CNTNAP2: variants seen among roughly 807,000 people sequenced by gnomAD.
The protein encoded by CNTNAP2 is contactin-associated protein-like 2.
A neutral mutation model predicts 155.2 loss-of-function variants in CNTNAP2; 98 were observed. The ratio of observed to expected loss-of-function variants is 0.63; its 90% CI spans 0.54 to 0.75. The LOEUF (loss-of-function observed/expected upper bound fraction) is 0.75, where lower values mean the gene tolerates loss of function less well. Among genes scored for constraint, CNTNAP2 ranks in the 30% least tolerant of loss-of-function variants. The pLI, the probability that CNTNAP2 is intolerant of heterozygous loss-of-function variation, is 0.00. For synonymous variants in CNTNAP2, 651 were observed against 631.2 expected (o/e 1.03, Z -0.47); for missense variants, 1,727 against 1,688.1 (o/e 1.02, Z -0.40).
chr7:147,288,752 G>T (rs576862273), intron 8 of CNTNAP2, among the ~76,000 whole-genome samples: 34 of 152,096 alleles, frequency 2.2e-4, no homozygotes, highest in Non-Finnish European at 4.3e-4. Context: ...TCCAATAAAT[G>T]TCACTTTATG....
chr7:147,753,034 T>C (rs1480648874), intron 13 of CNTNAP2, among the ~76,000 whole-genome samples: 2 of 152,226 alleles, frequency 1.3e-5, no homozygotes, highest in Non-Finnish European at 2.9e-5. Context: ...CTGATCCTAT[T>C]TTCTACTCTC....
intron 5 of CNTNAP2, among the ~76,000 whole-genome samples, chr7:147,109,515 G>A (rs1298000187): frequency 6.6e-6 from 1 of 152,112 alleles, no homozygotes; most frequent in Non-Finnish European, 1.5e-5. Flanking sequence ...ACTGAGAGAG[G>A]AAGACTAAAA....
At chr7:146,551,647 A>G (rs966818361) in intron 1 of CNTNAP2, among the ~76,000 whole-genome samples, 3 of 152,136 alleles carry the variant, frequency 2.0e-5, no homozygotes, top group Non-Finnish European at 2.9e-5. Flanking sequence ...AAAAAAATGA[A>G]TGAAAGAAAC....
At chr7:148,066,345 G>A (rs1288873637) in intron 15 of CNTNAP2, among the ~76,000 whole-genome samples, 26 of 152,104 alleles carry the variant, frequency 1.7e-4, no homozygotes, top group Admixed American at 1.5e-3. Flanking sequence ...CAAGGCCAGG[G>A]AAGTTTTCCT....
chr7:147,103,898 A>G (rs1800703303), intron 4 of CNTNAP2, among the ~76,000 whole-genome samples: 1 of 152,078 alleles, frequency 6.6e-6, no homozygotes, highest in Non-Finnish European at 1.5e-5. Context: ...GTGCTCTTCT[A>G]GAGGGTCAAG....
intron 9 of CNTNAP2, among the ~76,000 whole-genome samples, chr7:147,313,816 T>C (rs2116802180): frequency 6.6e-6 from 1 of 152,030 alleles, no homozygotes; most frequent in South Asian, 2.1e-4. Flanking sequence ...ATTGGTAGCT[T>C]GATGGGGATG....
intron 11 of CNTNAP2, among the ~76,000 whole-genome samples, chr7:147,514,305 A>C (rs924117196): frequency 2.0e-5 from 3 of 152,096 alleles, no homozygotes; most frequent in Non-Finnish European, 4.4e-5. Flanking sequence ...AAATCAATAG[A>C]TGTAGATAGA....
In CNTNAP2 at chr7:147,273,919, T is replaced by C. The variant is rs551293413; in HGVS notation, c.1349-26222T>C. On this transcript the variant is annotated intron_variant, in intron 8 of 23. Transcript: ENST00000361727. ...GTAATTATATATTACGTATTTTATA[T>C]ATTTCATATATATGTAATATCTATT... Among the ~76,000 whole-genome samples, 287 of 148,164 alleles carry C rather than the reference T, an allele frequency of 1.9e-3. 1 individual carries two copies. Among genetic ancestry groups the C allele is most frequent in the African/African-American group, 6.5e-3 (264 of 40,868 alleles).
chr7:148,129,741 G>T (rs929158316), intron 16 of CNTNAP2, among the ~76,000 whole-genome samples: 5 of 152,212 alleles, frequency 3.3e-5, no homozygotes, highest in Non-Finnish European at 4.4e-5. Context: ...AAACAAGAAG[G>T]TTGAACAAGA....
chr7:147,955,141 TA>T (rs1800998792), intron 14 of CNTNAP2, among the ~76,000 whole-genome samples: 2 of 152,330 alleles, frequency 1.3e-5, no homozygotes, highest in South Asian at 4.1e-4. Flanking sequence ...GTATATGGAT[TA>T]AGATTAATTC....
chr7:147,399,790 G>T (rs1360811991), intron 10 of CNTNAP2, among the ~76,000 whole-genome samples: 1 of 152,036 alleles, frequency 6.6e-6, no homozygotes, highest in Non-Finnish European at 1.5e-5. Flanking sequence ...GAGGGTCTTT[G>T]GTGTCTTTAG....
intron 11 of CNTNAP2, among the ~76,000 whole-genome samples, chr7:147,494,699 G>A (rs777704757): frequency 6.6e-5 from 10 of 152,098 alleles, no homozygotes; most frequent in Non-Finnish European, 1.3e-4. Flanking sequence ...TAACACTTTT[G>A]TCAGGTTGAA....
At chr7:147,649,113 A>C (rs1795411355) in intron 13 of CNTNAP2, among the ~76,000 whole-genome samples, 5 of 152,302 alleles carry the variant, frequency 3.3e-5, no homozygotes, top group Admixed American at 3.3e-4. Context: ...AATTTTATTA[A>C]GGGTAGCTCG....
intron 4 of CNTNAP2, among the ~76,000 whole-genome samples, chr7:147,090,275 G>A (rs1291628971): frequency 6.6e-6 from 1 of 151,940 alleles, no homozygotes; most frequent in Admixed American, 6.6e-5. Context: ...CAGCTACTGT[G>A]AACCAGATCT....
intron 21 of CNTNAP2, among the ~76,000 whole-genome samples, chr7:148,369,857 T>C (rs1798856318): frequency 6.6e-6 from 1 of 152,102 alleles, no homozygotes; most frequent in Non-Finnish European, 1.5e-5. Context: ...TTTTCGCTGA[T>C]TTGAGCTGTT....
chr7:148,098,342 G>C (rs970277862), intron 15 of CNTNAP2, among the ~76,000 whole-genome samples: 10 of 150,468 alleles, frequency 6.6e-5, no homozygotes, highest in African/African-American at 2.4e-4. Context: ...TACTCGGGAG[G>C]CTGAGGCAGG....
intron 3 of CNTNAP2, among the ~76,000 whole-genome samples, chr7:147,024,331 A>G (rs1198671333): frequency 6.6e-6 from 1 of 152,238 alleles, no homozygotes; most frequent in Non-Finnish European, 1.5e-5. Context: ...ATAACAAAAA[A>G]AAAGTACATA....
At chr7:146,765,599 G>A (rs1683874305) in intron 1 of CNTNAP2, among the ~76,000 whole-genome samples, 1 of 152,126 alleles carries the variant, frequency 6.6e-6, no homozygotes, top group South Asian at 2.1e-4. Flanking sequence ...GGACACATCA[G>A]GCACCTGCCT....
At chr7:147,560,470 A>G (rs147068516) in intron 11 of CNTNAP2, among the ~76,000 whole-genome samples, 1 of 152,234 alleles carries the variant, frequency 6.6e-6, no homozygotes, top group East Asian at 1.9e-4. Context: ...TCTGAATTAG[A>G]GCAGCCGTGT....
Sources: allele counts gnomAD v4.1 joint callset (sites outside exome capture counted in the v4.1 genomes callset), GRCh38; gene constraint gnomAD v4.1.1; transcripts MANE v1.5; gene names NCBI Gene and HGNC (gene_info 2026-07-23, HGNC 2026-07-21).